Variants in AKAP13 observed in about 807,000 individuals in gnomAD.
AKAP13 encodes the protein A-kinase anchoring protein 13.
A neutral mutation model predicts 264.5 loss-of-function variants in AKAP13; 80 were observed. That is an observed-to-expected ratio of 0.30 (90% confidence interval 0.25 to 0.36). The LOEUF is 0.36. AKAP13 is among the 10% of genes least tolerant of loss of function. The probability of loss-of-function intolerance (pLI) is 1.00; values close to 1 mark genes in which losing one functional copy is unlikely to be tolerated. For missense variants in AKAP13, 3,712 were observed against 3,435.2 expected (o/e 1.08, Z -2.01); for synonymous variants, 1,380 against 1,250.2 (o/e 1.10, Z -2.19).
At chr15:85,589,407 G>C (rs2079495271) in intron 8 of AKAP13, among the ~76,000 whole-genome samples, 2 of 152,004 alleles carry the variant, frequency 1.3e-5, no homozygotes, top group South Asian at 4.1e-4. Context: ...TTCATGTGAT[G>C]GTCATGTGTC....
intron 2 of AKAP13, among the ~76,000 whole-genome samples, chr15:85,507,563 TTG>T (rs971543489): frequency 1.3e-5 from 2 of 152,230 alleles, no homozygotes; most frequent in African/African-American, 4.8e-5. Flanking sequence ...TGCCTTTTCC[TTG>T]TGTCTAGAAA....
chr15:85,442,526 A>ATAG (rs2073737939), intron 1 of AKAP13, among the ~76,000 whole-genome samples: 1 of 110,076 alleles, frequency 9.1e-6, no homozygotes, highest in East Asian at 2.2e-4. Context: ...ATATTATATT[A>ATAG]TATATAATAT....
intron 1 of AKAP13, among the ~76,000 whole-genome samples, chr15:85,405,099 C>A (rs1351142309): frequency 2.0e-5 from 3 of 152,050 alleles, no homozygotes; most frequent in African/African-American, 7.2e-5. Flanking sequence ...AATGTGACTT[C>A]TAAGTCTAGA....
rs1300975292 is a variant in AKAP13 at position 85,562,605 on chromosome 15, A to ATC, written c.663-12522_663-12521dup. ...TATATATATATATATATATATATATATCTCTGTCCTTATATCTTAATCCTT... is the reference window on the plus strand; with the variant it reads ...TATATATATATATATATATATATATATCTCTCTGTCCTTATATCTTAATCCTT... On this transcript the variant is annotated intron_variant, in intron 5 of 36. Coordinates refer to ENST00000394518, the MANE Select transcript of AKAP13 (RefSeq NM_007200.5). Among the ~76,000 whole-genome samples, 12 of 133,368 alleles carry ATC rather than the reference A, an allele frequency of 9.0e-5. No homozygotes were observed. In the South Asian group the frequency reaches 1.7e-3, roughly 18 times the overall value. The allele number at this position is 133,368 out of a possible 152,430, so 87.5% of individuals were successfully genotyped here.
chr15:85,662,670 T>A (rs2083412779), intron 12 of AKAP13, among the ~76,000 whole-genome samples: 2 of 152,244 alleles, frequency 1.3e-5, no homozygotes, highest in African/African-American at 4.8e-5. Context: ...ATGTCTCAAA[T>A]GGCCATAGAT....
chr15:85,395,106 C>G (rs563133728), intron 1 of AKAP13, among the ~76,000 whole-genome samples: 9 of 152,146 alleles, frequency 5.9e-5, no homozygotes, highest in Admixed American at 5.2e-4. Flanking sequence ...TCAGAGGAAC[C>G]GTTCATTGTT....
At chr15:85,404,554 C>T (rs909319064) in intron 1 of AKAP13, among the ~76,000 whole-genome samples, 3 of 152,178 alleles carry the variant, frequency 2.0e-5, no homozygotes, top group African/African-American at 7.2e-5. Flanking sequence ...CCAATTCTGC[C>T]TTAGCTTTTC....
intron 9 of AKAP13, among the ~76,000 whole-genome samples, chr15:85,645,205 C>T: frequency 6.6e-6 from 1 of 152,192 alleles, no homozygotes; most frequent in East Asian, 1.9e-4. Context: ...TAGGCTTCCT[C>T]AATGTACAAA....
At chr15:85,670,888 C>T (rs2083889979) in intron 14 of AKAP13, 2 of 152,210 alleles carry the variant, frequency 1.3e-5, no homozygotes, top group South Asian at 4.2e-4. Context: ...CCTTGTGATG[C>T]TCAAAAACAT....
intron 2 of AKAP13, among the ~76,000 whole-genome samples, chr15:85,503,703 A>C (rs2076101988): frequency 6.6e-6 from 1 of 152,190 alleles, no homozygotes; most frequent in Non-Finnish European, 1.5e-5. Context: ...GAGGCCCTTC[A>C]TCTGAGGAAG....
chr15:85,597,529 A>T (rs2079872323), intron 8 of AKAP13, among the ~76,000 whole-genome samples: 1 of 152,186 alleles, frequency 6.6e-6, no homozygotes, highest in Non-Finnish European at 1.5e-5. Context: ...CATTAAGAAA[A>T]ATTATGGGAA....
At chr15:85,670,845 T>A (rs954409740) in intron 14 of AKAP13, 1 of 152,228 alleles carries the variant, frequency 6.6e-6, no homozygotes, top group African/African-American at 2.4e-5. Flanking sequence ...TTGGAAGTTA[T>A]GTAGAGATGT....
chr15:85,526,798 C>A lies in AKAP13; in HGVS notation c.181+5223C>A, dbSNP rs16940963. On this transcript the variant is annotated intron_variant, in intron 3 of 36. Transcript: ENST00000394518. Reference sequence around the variant, plus strand: ...CTAACAGTCTCCCTATTCTGAAATACTCTCAAGCTATCTCTAGACAGATGA... The same window carrying A: ...CTAACAGTCTCCCTATTCTGAAATAATCTCAAGCTATCTCTAGACAGATGA... Among the ~76,000 whole-genome samples the A allele has an allele frequency of 1.9e-4, 29 of 152,268 alleles. No individual in the cohort carries two copies. In the East Asian group the frequency reaches 5.0e-3, roughly 26 times the overall value.
intron 29 of AKAP13, 30 bp from the exon 30 acceptor site, chr15:85,730,483 A>G (rs765409900): frequency 6.2e-7 from 1 of 1,607,260 alleles, no homozygotes; most frequent in South Asian, 1.1e-5. Context: ...AACACCAATC[A>G]AATCACAGAT....
At chr15:85,450,176 C>A (rs1409189960) in intron 1 of AKAP13, among the ~76,000 whole-genome samples, 1 of 152,042 alleles carries the variant, frequency 6.6e-6, no homozygotes. Context: ...ATTTATCCAT[C>A]TCTTCTAGTT....
intron 12 of AKAP13, among the ~76,000 whole-genome samples, 195 bp from the exon 13 acceptor site, chr15:85,664,368 A>G (rs2151547470): frequency 6.6e-6 from 1 of 152,360 alleles, no homozygotes; most frequent in Non-Finnish European, 1.5e-5. Context: ...TAAGTGCAGT[A>G]TTCTTTCTCA....
At chr15:85,572,737 G>C (rs562638279) in intron 5 of AKAP13, among the ~76,000 whole-genome samples, 10 of 151,984 alleles carry the variant, frequency 6.6e-5, no homozygotes, top group African/African-American at 2.4e-4. Flanking sequence ...TATTACATAG[G>C]TATACACGTG....
chr15:85,445,498 C>T (rs2073866918), intron 1 of AKAP13, among the ~76,000 whole-genome samples: 1 of 152,100 alleles, frequency 6.6e-6, no homozygotes, highest in Non-Finnish European at 1.5e-5. Context: ...GTTTTGTTTC[C>T]TGAAATGTTA....
rs730439 is a variant in AKAP13 at position 85,391,300 on chromosome 15, G to T, written c.-12+10502G>T. Reference sequence around the variant, plus strand: ...GAACTCTATTTTCCATTTGTAGTCTGTAAGGATATTGGTGATAGTGGAAAG... The same window carrying T: ...GAACTCTATTTTCCATTTGTAGTCTTTAAGGATATTGGTGATAGTGGAAAG... On this transcript the variant is annotated intron_variant, in intron 1 of 36. Coordinates refer to ENST00000394518, the MANE Select transcript of AKAP13 (RefSeq NM_007200.5). Among the ~76,000 whole-genome samples, 9 of 152,038 alleles carry T rather than the reference G, an allele frequency of 5.9e-5. No homozygotes were observed. The South Asian group carries it at 1.9e-3, about 32-fold the overall frequency.
Sources: gnomAD v4.1 joint callset for allele counts (sites outside exome capture counted in the v4.1 genomes callset) on GRCh38, gnomAD v4.1.1 for gene constraint, MANE v1.5 for transcripts, NCBI Gene and HGNC (gene_info 2026-07-23, HGNC 2026-07-21) for gene names.